The following FHIT variants were observed in gnomAD, a reference collection of about 807,000 sequenced individuals.
The protein encoded by FHIT is fragile histidine triad diadenosine triphosphatase.
Under a neutral mutation model 17.9 loss-of-function variants are expected in FHIT, and 19 were observed. The observed-to-expected ratio is 1.06, with a 90% CI of 0.74 to 1.56. FHIT has a LOEUF of 1.56. FHIT is among the 40% of genes most tolerant of loss of function. The probability of loss-of-function intolerance (pLI) is 0.00; values close to 1 mark genes in which losing one functional copy is unlikely to be tolerated. For missense variants in FHIT, 248 were observed against 189.2 expected (o/e 1.31, Z -1.82); for synonymous variants, 81 against 69.7 (o/e 1.16, Z -0.81).
At chr3:60,738,948 C>T (rs1391434868) in intron 4 of FHIT, among the ~76,000 whole-genome samples, 2 of 152,080 alleles carry the variant, frequency 1.3e-5, no homozygotes. Flanking sequence ...CCCCAGGCTC[C>T]AGGAGCAGAC....
intron 3 of FHIT, among the ~76,000 whole-genome samples, chr3:60,869,383 C>G (rs1293193730): frequency 1.3e-5 from 2 of 152,148 alleles, no homozygotes; most frequent in African/African-American, 2.4e-5. Context: ...CCAGTTCCCC[C>G]CAGTGCCGGG....
chr3:60,390,784 A>C (rs533509784), intron 5 of FHIT, among the ~76,000 whole-genome samples: 2 of 152,302 alleles, frequency 1.3e-5, no homozygotes, highest in South Asian at 4.1e-4. Flanking sequence ...AAAGATATAA[A>C]GATAGAAAAT....
At chr3:61,026,344 A>G (rs1220724020) in intron 3 of FHIT, among the ~76,000 whole-genome samples, 1 of 152,160 alleles carries the variant, frequency 6.6e-6, no homozygotes, top group Non-Finnish European at 1.5e-5. Flanking sequence ...TGTACCTCCA[A>G]TTCTCTCCGA....
At chr3:60,460,093 A>G (rs1219311525) in intron 5 of FHIT, among the ~76,000 whole-genome samples, 3 of 152,202 alleles carry the variant, frequency 2.0e-5, no homozygotes, top group Non-Finnish European at 4.4e-5. Flanking sequence ...AGAAGTTCGT[A>G]ACTGGCATAT....
intron 3 of FHIT, among the ~76,000 whole-genome samples, chr3:60,914,633 A>T (rs1353722729): frequency 6.6e-6 from 1 of 152,202 alleles, no homozygotes; most frequent in African/African-American, 2.4e-5. Flanking sequence ...TTCAATGATG[A>T]TTATCAATTC....
intron 5 of FHIT, among the ~76,000 whole-genome samples, chr3:60,265,400 T>G (rs559623807): frequency 1.3e-4 from 20 of 152,056 alleles, no homozygotes; most frequent in African/African-American, 4.8e-4. Context: ...TCCTACTTCA[T>G]AGAATATATA....
intron 7 of FHIT, among the ~76,000 whole-genome samples, chr3:59,936,093 A>T (rs1228445906): frequency 6.6e-6 from 1 of 152,172 alleles, no homozygotes; most frequent in Non-Finnish European, 1.5e-5. Flanking sequence ...AAAAACAGTC[A>T]GCATTGCAAG....
In FHIT at chr3:60,817,367, T is replaced by C. The variant is rs546412830; in HGVS notation, c.-18+4552A>G. On this transcript the variant is annotated intron_variant, in intron 4 of 9. Transcript: ENST00000492590. ...GATTCCATCTGGTGTTATCTCACTT[T>C]ATAGCCTGAACAATCTTTCCTTTAG... is the stretch of plus-strand genomic sequence containing the variant. 2.1e-4 allele frequency among the ~76,000 whole-genome samples: 32 copies of C among 152,216 alleles called. No homozygotes were observed. In the South Asian group the frequency reaches 6.0e-3, roughly 29 times the overall value.
At chr3:60,080,095 TC>T (rs1703211570) in intron 5 of FHIT, among the ~76,000 whole-genome samples, 1 of 152,144 alleles carries the variant, frequency 6.6e-6, no homozygotes, top group South Asian at 2.1e-4. Context: ...CCGTGTAATG[TC>T]CCATTACTTG....
In FHIT at chr3:61,131,736, G is replaced by C. The variant is rs192191182; in HGVS notation, c.-164+68881C>G. Among the ~76,000 whole-genome samples, 4 of 152,184 alleles carry C rather than the reference G, an allele frequency of 2.6e-5. No individual in the cohort carries two copies. The East Asian group carries it at 7.7e-4, about 29-fold the overall frequency. On this transcript the variant is annotated intron_variant, in intron 2 of 9. Coordinates refer to ENST00000492590, the MANE Select transcript of FHIT (RefSeq NM_002012.4). The stretch of plus-strand genomic sequence containing the variant: ...CTGACAATTCTGAAACTCAAAAAAG[G>C]TTTCGTTGTTTATTGGGTATAAGCC...
chr3:60,528,316 T>C (rs530663904), intron 5 of FHIT, among the ~76,000 whole-genome samples: 1 of 152,216 alleles, frequency 6.6e-6, no homozygotes, highest in East Asian at 1.9e-4. Context: ...TCATAAAATA[T>C]AATTTTAATT....
At chr3:61,212,847 T>C (rs1010112275) in intron 1 of FHIT, among the ~76,000 whole-genome samples, 13 of 152,192 alleles carry the variant, frequency 8.5e-5, no homozygotes, top group African/African-American at 2.9e-4. Flanking sequence ...AGGAGGCCCA[T>C]ATTCAACATT....
At chr3:61,206,836 A>C (rs9867295) in intron 1 of FHIT, among the ~76,000 whole-genome samples, 49,285 of 151,766 alleles carry the variant, frequency 0.32, 8,612 homozygotes, top group East Asian at 0.49. Context: ...ATTGCCCTGG[A>C]CAGAACTTCC....
intron 3 of FHIT, among the ~76,000 whole-genome samples, chr3:61,033,954 ACT>A (rs2033124916): frequency 6.6e-6 from 1 of 152,172 alleles, no homozygotes; most frequent in Non-Finnish European, 1.5e-5. Context: ...CAAAGGAGAC[ACT>A]CTGAAGTTTC....
At position 60,136,224 on chromosome 3, in the gene FHIT, G is replaced by A. The variant is rs182450233; in HGVS notation, c.104-122072C>T. ...GGCACAACACAAGGAGAGGAGAAGAGGGAGGCATCTGGAGAGCTCAATGTC... is the reference window on the plus strand; with the variant it reads ...GGCACAACACAAGGAGAGGAGAAGAAGGAGGCATCTGGAGAGCTCAATGTC... On this transcript the variant is annotated intron_variant, in intron 5 of 9. Transcript: ENST00000492590. Among the ~76,000 whole-genome samples, 325 of 152,238 alleles carry A rather than the reference G, an allele frequency of 2.1e-3. 2 individuals are homozygous for A. Among genetic ancestry groups the A allele is most frequent in the African/African-American group, 7.4e-3 (309 of 41,544 alleles).
chr3:61,087,641 A>C (rs1417041243), intron 2 of FHIT, among the ~76,000 whole-genome samples: 1 of 152,202 alleles, frequency 6.6e-6, no homozygotes, highest in Non-Finnish European at 1.5e-5. Context: ...AAAAACAATA[A>C]GGCTCTGGAG....
rs564051237 is a variant in FHIT, at chr3:61,242,093, C to T, written c.-213+9208G>A. Among the ~76,000 whole-genome samples, 12 of 152,050 alleles carry T rather than the reference C, an allele frequency of 7.9e-5. No homozygotes were observed. In the East Asian group the frequency reaches 1.9e-3, roughly 25 times the overall value. On this transcript the variant is annotated intron_variant, in intron 1 of 9. Coordinates refer to ENST00000492590, the MANE Select transcript of FHIT (RefSeq NM_002012.4). ...ATTCAAACCAAGAATGTTCCTGGAC[C>T]GTTGATATAAGGGTTTAAATATAAA...
At chr3:59,894,169 A>G (rs1307191968) in intron 8 of FHIT, among the ~76,000 whole-genome samples, 1 of 152,130 alleles carries the variant, frequency 6.6e-6, no homozygotes, top group Non-Finnish European at 1.5e-5. Flanking sequence ...ACCTCAGCCC[A>G]GTAACGTCAA....
chr3:60,741,725 C>A (rs551896306), intron 4 of FHIT, among the ~76,000 whole-genome samples: 78 of 152,328 alleles, frequency 5.1e-4, no homozygotes, highest in African/African-American at 1.7e-3. Flanking sequence ...GCAAAATGTA[C>A]CTCCTTTGAA....
Sources: allele counts gnomAD v4.1 joint callset (sites outside exome capture counted in the v4.1 genomes callset), GRCh38; gene constraint gnomAD v4.1.1; transcripts MANE v1.5; gene names NCBI Gene and HGNC (gene_info 2026-07-23, HGNC 2026-07-21).